SLIT3: variants seen among roughly 807,000 people sequenced by gnomAD.
SLIT3 encodes slit guidance ligand 3.
A neutral mutation model predicts 184.0 loss-of-function variants in SLIT3; 68 were observed. The observed-to-expected ratio is 0.37, with a 90% CI of 0.30 to 0.45. The LOEUF is 0.45. SLIT3 is among the 20% of genes least tolerant of loss of function. The pLI is 1.00. For synonymous variants in SLIT3, 831 were observed against 828.6 expected, an observed-to-expected ratio of 1.00 and a Z score of -0.05; for missense variants, 1,707 against 2,026.0, an observed-to-expected ratio of 0.84 and a Z score of 3.02.
intron 2 of SLIT3, among the ~76,000 whole-genome samples, chr5:169,245,038 C>A (rs1394247479): frequency 6.6e-6 from 1 of 152,174 alleles, no homozygotes; most frequent in African/African-American, 2.4e-5. Flanking sequence ...AAATGTCCCC[C>A]CAAGCACTGC....
At chr5:168,945,471 T>C (rs1043319420) in intron 4 of SLIT3, among the ~76,000 whole-genome samples, 1 of 152,012 alleles carries the variant, frequency 6.6e-6, no homozygotes, top group Non-Finnish European at 1.5e-5. Flanking sequence ...CTCCTGACCT[T>C]ATGATCTGCC....
rs779347033 is a variant in SLIT3 at position 169,166,271 on chromosome 5, C to T, written c.413+27208G>A. The stretch of plus-strand genomic sequence containing the variant: ...GCTGGGCTAGAGAATCGTTTGCTGA[C>T]ACATGTTCTTAATGAGAAAAGGGCT... On this transcript the variant is annotated intron_variant, in intron 4 of 35. Transcript: ENST00000519560. Among the ~76,000 whole-genome samples, 93 of 152,288 alleles carry T rather than the reference C, an allele frequency of 6.1e-4. 1 individual carries two copies. The highest frequency in any genetic ancestry group is 1.7e-3 in the South Asian group (8 of 4,814).
rs1442541371 is a variant in SLIT3 at position 168,665,364 on chromosome 5, C to T, written c.*1090G>A. 1 of 152,256 alleles carries T rather than the reference C, an allele frequency of 6.6e-6. No homozygotes were observed. Among genetic ancestry groups the T allele is most frequent in the Non-Finnish European group, 1.5e-5 (1 of 68,072 alleles). The allele number at this position is 152,256 out of a possible 1,614,324, so 9.4% of individuals were successfully genotyped here. On this transcript the variant is annotated 3_prime_UTR_variant, in exon 36 of 36. Transcript: ENST00000519560. ...GTCTTACAACAAGAGCCTCCAAGAA[C>T]CTTCCAGAGTTGGACATCTAGCGCT...
chr5:168,889,648 A>G (rs1372836142), intron 4 of SLIT3, among the ~76,000 whole-genome samples: 1 of 152,192 alleles, frequency 6.6e-6, no homozygotes, highest in Non-Finnish European at 1.5e-5. Flanking sequence ...ATACTGATGG[A>G]TTAAGTGTCA....
At chr5:168,859,452 A>C (rs1294602375) in intron 5 of SLIT3, among the ~76,000 whole-genome samples, 1 of 152,222 alleles carries the variant, frequency 6.6e-6, no homozygotes, top group Non-Finnish European at 1.5e-5. Context: ...GGAAATTTTC[A>C]ACAAATATAT....
chr5:168,668,690 C>T (rs923661136), intron 35 of SLIT3, among the ~76,000 whole-genome samples: 2 of 152,170 alleles, frequency 1.3e-5, no homozygotes, highest in Non-Finnish European at 2.9e-5. Flanking sequence ...CTCATGCAAT[C>T]CTTGCACCTC....
Position 168,748,442 on chromosome 5 carries a change from G to C in SLIT3, c.2138-8C>G. The C allele has an allele frequency of 6.6e-7, 1 of 1,519,886 alleles. No individual in the cohort carries two copies. Among genetic ancestry groups the C allele is most frequent in the South Asian group, 1.3e-5 (1 of 76,542 alleles). The allele number at this position is 1,519,886 out of a possible 1,614,324, so 94.1% of individuals were successfully genotyped here. A position where few individuals can be genotyped will look rare whatever the true frequency, so the allele number is the denominator to read the frequency against. ...AGCTACTCTCCTCGTTGCCTGTGGA[G>C]AGCCCCAGAGAGGGTGAGGGTTGTG... On this transcript the variant is annotated splice_region_variant and splice_polypyrimidine_tract_variant and intron_variant, in intron 19 of 35. Coordinates refer to ENST00000519560, the MANE Select transcript of SLIT3 (RefSeq NM_003062.4).
At chr5:168,958,510 C>T (rs1762907806) in intron 4 of SLIT3, among the ~76,000 whole-genome samples, 1 of 152,110 alleles carries the variant, frequency 6.6e-6, no homozygotes, top group African/African-American at 2.4e-5. Flanking sequence ...AGCTGAGCCC[C>T]AAAGAGATTA....
intron 4 of SLIT3, among the ~76,000 whole-genome samples, chr5:168,886,295 G>A (rs543952542): frequency 6.6e-6 from 1 of 152,278 alleles, no homozygotes; most frequent in East Asian, 1.9e-4. Flanking sequence ...TGTTACTGAT[G>A]GGGCGTGGAG....
chr5:168,753,776 TC>T, intron 17 of SLIT3, 87 bp downstream of exon 17: 1 of 1,465,690 alleles, frequency 6.8e-7, no homozygotes, highest in Non-Finnish European at 9.3e-7. Context: ...AGTGCCTGGG[TC>T]CCACTTGCCT....
intron 4 of SLIT3, among the ~76,000 whole-genome samples, chr5:168,932,247 G>A (rs927896474): frequency 9.4e-6 from 1 of 105,990 alleles, no homozygotes; most frequent in Non-Finnish European, 1.8e-5. Flanking sequence ...CAGTTTTTTT[G>A]TTGTTGTTGT....
At chr5:169,094,400 G>A (rs62379535) in intron 4 of SLIT3, among the ~76,000 whole-genome samples, 5,834 of 152,248 alleles carry the variant, frequency 0.038, 160 homozygotes, top group Middle Eastern at 0.1. Flanking sequence ...AGGCCAAGGC[G>A]GGTGGATCAC....
At chr5:168,851,195 C>T (rs533381410) in intron 5 of SLIT3, among the ~76,000 whole-genome samples, 133 of 151,836 alleles carry the variant, frequency 8.8e-4, no homozygotes, top group African/African-American at 2.8e-3. Context: ...TGGTGGCGGG[C>T]GCCTGTAGTC....
intron 9 of SLIT3, among the ~76,000 whole-genome samples, chr5:168,798,580 C>T (rs1756660011): frequency 6.6e-6 from 1 of 152,132 alleles, no homozygotes; most frequent in Non-Finnish European, 1.5e-5. Flanking sequence ...GTTTTGGGCA[C>T]TGGCTGAACA....
intron 4 of SLIT3, among the ~76,000 whole-genome samples, chr5:169,113,587 C>G (rs1341178046): frequency 2.0e-5 from 3 of 151,836 alleles, no homozygotes; most frequent in African/African-American, 7.3e-5. Context: ...AGGGTTCCAT[C>G]TGGGTTCCTA....
chr5:169,297,126 C>T (rs1019783150), intron 1 of SLIT3, among the ~76,000 whole-genome samples: 7 of 152,240 alleles, frequency 4.6e-5, no homozygotes, highest in African/African-American at 1.7e-4. Context: ...CCATCCACTT[C>T]CTCTCCTCTC....
intron 4 of SLIT3, among the ~76,000 whole-genome samples, chr5:168,972,119 C>A (rs1373578604): frequency 2.0e-5 from 3 of 152,106 alleles, no homozygotes; most frequent in African/African-American, 7.2e-5. Flanking sequence ...AAGGGGAGGG[C>A]TCCAGTGAGA....
At chr5:168,717,257 T>C (rs1223808374) in intron 23 of SLIT3, among the ~76,000 whole-genome samples, 2 of 138,308 alleles carry the variant, frequency 1.4e-5, no homozygotes, top group African/African-American at 5.6e-5. Context: ...ATCTGTGAAA[T>C]GGGGATAACA....
intron 32 of SLIT3, among the ~76,000 whole-genome samples, chr5:168,683,358 A>G (rs1761647079): frequency 6.7e-6 from 1 of 148,388 alleles, no homozygotes; most frequent in South Asian, 2.1e-4. Context: ...CAAGAGAACA[A>G]AACTCCATCT....
Sources: allele counts gnomAD v4.1 joint callset (sites outside exome capture counted in the v4.1 genomes callset), GRCh38; gene constraint gnomAD v4.1.1; transcripts MANE v1.5; gene names NCBI Gene and HGNC (gene_info 2026-07-23, HGNC 2026-07-21).